The following PID1 variants were observed in gnomAD, a reference collection of about 807,000 sequenced individuals.
The protein encoded by PID1 is PTB-containing, cubilin and LRP1-interacting protein.
Under a neutral mutation model 19.1 loss-of-function variants are expected in PID1, and 10 were observed. The ratio of observed to expected loss-of-function variants is 0.52; its 90% CI spans 0.32 to 0.89. The LOEUF (loss-of-function observed/expected upper bound fraction) is 0.89. Ranked by LOEUF, PID1 falls within the 40% of genes least tolerant of loss-of-function variation. PID1 has a pLI of 0.03. For missense variants in PID1, 248 were observed against 285.3 expected (o/e 0.87, Z 0.94); for synonymous variants, 130 against 116.0 (o/e 1.12, Z -0.78).
Position 229,082,201 on chromosome 2 carries a change from G to A in PID1, c.178-56093C>T, listed in dbSNP as rs558692774. 6.7e-4 allele frequency among the ~76,000 whole-genome samples: 102 copies of A among 152,332 alleles called. 1 individual carries two copies. Among genetic ancestry groups the A allele is most frequent in the African/African-American group, 2.4e-3 (101 of 41,578 alleles). ...TCCTTCAGACTCTGGAAGAGGACGA[G>A]GCTCCAACATGGACTATGATGCCAA... On this transcript the variant is annotated intron_variant, in intron 2 of 2. Transcript: ENST00000392055.
chr2:229,083,224 A>G (rs985849102), intron 2 of PID1, among the ~76,000 whole-genome samples: 1 of 152,124 alleles, frequency 6.6e-6, no homozygotes, highest in Non-Finnish European at 1.5e-5. Flanking sequence ...TTATAACTCC[A>G]TCTATTCAGT....
At chr2:229,234,856 C>T (rs962371505) in intron 1 of PID1, among the ~76,000 whole-genome samples, 1 of 152,132 alleles carries the variant, frequency 6.6e-6, no homozygotes, top group African/African-American at 2.4e-5. Flanking sequence ...TTTCAGAGCA[C>T]CTAGCATGGT....
chr2:229,054,719 T>A (rs918772602), intron 2 of PID1, among the ~76,000 whole-genome samples: 9 of 17,984 alleles, frequency 5.0e-4, no homozygotes, highest in Non-Finnish European at 6.3e-4. Context: ...TGTGTGTGTG[T>A]GGGGGGGGGG....
intron 1 of PID1, among the ~76,000 whole-genome samples, chr2:229,181,072 T>G (rs1690934603): frequency 6.6e-6 from 1 of 152,234 alleles, no homozygotes; most frequent in Non-Finnish European, 1.5e-5. Context: ...CTCTTTCTTT[T>G]CCAAGTCTCT....
At chr2:229,218,614 G>C (rs188949945) in intron 1 of PID1, among the ~76,000 whole-genome samples, 84 of 152,296 alleles carry the variant, frequency 5.5e-4, no homozygotes, top group South Asian at 1.0e-3. Flanking sequence ...TAAGCAAATA[G>C]GCAGGATGTC....
At chr2:229,132,350 G>T (rs1349251256) in intron 2 of PID1, among the ~76,000 whole-genome samples, 1 of 152,126 alleles carries the variant, frequency 6.6e-6, no homozygotes, top group Non-Finnish European at 1.5e-5. Context: ...CGATCCCAGA[G>T]AAAACAGTCG....
At chr2:229,120,981 C>T (rs998732260) in intron 2 of PID1, among the ~76,000 whole-genome samples, 17 of 152,192 alleles carry the variant, frequency 1.1e-4, no homozygotes, top group South Asian at 6.2e-4. Context: ...ACACAAAAGC[C>T]TTCACCAGAA....
intron 1 of PID1, among the ~76,000 whole-genome samples, chr2:229,158,514 C>T (rs956981813): frequency 6.6e-6 from 1 of 151,956 alleles, no homozygotes; most frequent in Non-Finnish European, 1.5e-5. Context: ...TCACAAGGGC[C>T]TAAAACAGTT....
intron 2 of PID1, among the ~76,000 whole-genome samples, chr2:229,043,898 G>T (rs571872983): frequency 3.9e-5 from 6 of 152,242 alleles, no homozygotes; most frequent in Middle Eastern, 3.4e-3. Flanking sequence ...TGGCTCTGTG[G>T]CCAGCCAAGG....
intron 1 of PID1, among the ~76,000 whole-genome samples, chr2:229,188,226 G>T (rs1691177093): frequency 6.6e-6 from 1 of 151,620 alleles, no homozygotes; most frequent in South Asian, 2.1e-4. Context: ...TGTCCAACTG[G>T]CTTCCATTCA....
intron 1 of PID1, among the ~76,000 whole-genome samples, chr2:229,258,960 G>A (rs746050509): frequency 2.0e-5 from 3 of 151,134 alleles, no homozygotes; most frequent in Middle Eastern, 3.5e-3. Context: ...CCATCCTCAG[G>A]TAACTACTGA....
At chr2:229,036,897 C>T (rs764235957) in intron 2 of PID1, among the ~76,000 whole-genome samples, 1 of 152,220 alleles carries the variant, frequency 6.6e-6, no homozygotes, top group Non-Finnish European at 1.5e-5. Flanking sequence ...GGTTAACCTG[C>T]CTGACCACGA....
rs201152174 is a variant in PID1 at position 229,114,133 on chromosome 2, C to T, written c.177+41685G>A. 4.6e-4 allele frequency among the ~76,000 whole-genome samples: 56 copies of T among 121,802 alleles called. No homozygotes were observed. In the Middle Eastern group the frequency reaches 0.013, roughly 28 times the overall value. 79.9% of individuals were successfully genotyped at this position (121,802 alleles called of 152,430 possible). On this transcript the variant is annotated intron_variant, in intron 2 of 2. Coordinates refer to ENST00000392055, the MANE Select transcript of PID1 (RefSeq NM_001100818.2). ...TCTCTTTCTCTCTCTCTCTCTCTCT[C>T]TTTCTCTCTCTCTCTCTTTCTCTCT...
At chr2:229,188,331 A>T (rs539859177) in intron 1 of PID1, among the ~76,000 whole-genome samples, 60 of 152,318 alleles carry the variant, frequency 3.9e-4, no homozygotes, top group African/African-American at 1.4e-3. Flanking sequence ...CCTGAAAAAA[A>T]AATTAAAAAA....
chr2:229,119,894 C>T (rs1177022261), intron 2 of PID1, among the ~76,000 whole-genome samples: 2 of 152,142 alleles, frequency 1.3e-5, no homozygotes, highest in Non-Finnish European at 2.9e-5. Flanking sequence ...TTCCCACTCC[C>T]TCTGCCTTAG....
chr2:229,210,713 G>T (rs192595786), intron 1 of PID1, among the ~76,000 whole-genome samples: 133 of 152,128 alleles, frequency 8.7e-4, no homozygotes, highest in African/African-American at 3.0e-3. Context: ...TGAATGTGAT[G>T]TGCCAATATG....
At chr2:229,081,582 G>GGCA (rs1694669703) in intron 2 of PID1, among the ~76,000 whole-genome samples, 1 of 152,136 alleles carries the variant, frequency 6.6e-6, no homozygotes, top group Non-Finnish European at 1.5e-5. Context: ...AGAACCATTT[G>GGCA]GCAGCAGCAT....
Position 229,262,755 on chromosome 2 carries a change from A to G in PID1, c.30+8259T>C, listed in dbSNP as rs373841889. 1.2e-4 allele frequency: 181 copies of G among 1,551,492 alleles called. 1 individual carries two copies. The highest frequency in any genetic ancestry group is 5.8e-5 in the Non-Finnish European group (67 of 1,146,938). ...CACCATCCAAAAGCTCTGGAGAAGAACATGTCCTCGACTCTTCTAACATCA... is the reference window on the plus strand; with the variant it reads ...CACCATCCAAAAGCTCTGGAGAAGAGCATGTCCTCGACTCTTCTAACATCA... On this transcript the variant is annotated intron_variant, in intron 1 of 2. Transcript: ENST00000392055.
At chr2:229,124,696 C>T (rs914193183) in intron 2 of PID1, among the ~76,000 whole-genome samples, 2 of 151,968 alleles carry the variant, frequency 1.3e-5, no homozygotes, top group African/African-American at 4.8e-5. Flanking sequence ...AACTTTAAGT[C>T]AAAATTTAGT....
Sources: gnomAD v4.1 joint callset for allele counts (sites outside exome capture counted in the v4.1 genomes callset) on GRCh38, gnomAD v4.1.1 for gene constraint, MANE v1.5 for transcripts, NCBI Gene and HGNC (gene_info 2026-07-23, HGNC 2026-07-21) for gene names.